Variants in GALNT16 observed in about 807,000 individuals in gnomAD.
GALNT16 encodes the protein UDP-GalNAc:polypeptide N-acetylgalactosaminyltransferase-like protein 1.
In GALNT16, 40 loss-of-function variants were observed where a neutral mutation model predicts 76.1. The ratio of observed to expected loss-of-function variants is 0.53; its 90% CI spans 0.41 to 0.68. The LOEUF is 0.68. Ranked by LOEUF, GALNT16 falls within the 30% of genes least tolerant of loss-of-function variation. GALNT16 has a pLI of 0.00. For synonymous variants in GALNT16, 276 were observed against 285.2 expected (o/e 0.97, Z 0.32); for missense variants, 621 against 731.9 (o/e 0.85, Z 1.75).
intron 3 of GALNT16, 93 bp from the exon 4 acceptor site, chr14:69,325,244 G>A (rs45543531): frequency 1.3e-4 from 104 of 802,206 alleles, no homozygotes; most frequent in Non-Finnish European, 1.9e-4. Context: ...CCCTGGAGCT[G>A]GGCGGCTGGG....
Position 69,328,579 on chromosome 14 carries a change from ACT to A in GALNT16, c.690+9_690+10del. 1 of 1,611,382 alleles carries A rather than the reference ACT, an allele frequency of 6.2e-7. No homozygotes were observed. The highest frequency in any genetic ancestry group is 8.5e-7 in the Non-Finnish European group (1 of 1,179,242). ...CTGCAGCGGGTGAAGGAGGTGAGCC[ACT>A]GTCTCTGGGGAGCTGGGCGTCCTTG... On this transcript the variant is annotated intron_variant, in intron 6 of 14. Coordinates refer to ENST00000448469, the MANE Select transcript of GALNT16 (RefSeq NM_001168368.2).
At chr14:69,361,994 G>A (rs1189176358), downstream of GALNT16, among the ~76,000 whole-genome samples, 2 of 152,194 alleles carry the variant, frequency 1.3e-5, no homozygotes, top group Non-Finnish European at 2.9e-5. Context: ...GTGACAGAAT[G>A]AGACTCCATC....
intron 1 of GALNT16, among the ~76,000 whole-genome samples, chr14:69,309,281 T>C (rs955655369): frequency 6.6e-6 from 1 of 151,546 alleles, no homozygotes; most frequent in Non-Finnish European, 1.5e-5. Flanking sequence ...TCTTTCTTTC[T>C]TTCTTCCTTT....
chr14:69,307,498 C>T (rs985099905), intron 1 of GALNT16, among the ~76,000 whole-genome samples: 5 of 152,126 alleles, frequency 3.3e-5, no homozygotes, highest in South Asian at 4.1e-4. Flanking sequence ...TGCTGAACCC[C>T]CTCCTTTTAT....
intron 1 of GALNT16, among the ~76,000 whole-genome samples, chr14:69,284,739 A>G (rs1346542834): frequency 6.6e-6 from 1 of 152,090 alleles, no homozygotes; most frequent in Non-Finnish European, 1.5e-5. Context: ...CCCAAATCTC[A>G]TCTTGTAGTT....
chr14:69,367,656 A>G, the GALNT16 span, among the ~76,000 whole-genome samples: 12 of 151,618 alleles, frequency 7.9e-5, no homozygotes, highest in African/African-American at 2.7e-4. Context: ...AAAAAAAAAA[A>G]AAAGAAAAAG....
At chr14:69,323,616 T>G (rs1385412017) in intron 2 of GALNT16, among the ~76,000 whole-genome samples, 1 of 152,144 alleles carries the variant, frequency 6.6e-6, no homozygotes, top group African/African-American at 2.4e-5. Flanking sequence ...CATAGGCCCT[T>G]GAACAGCATG....
chr14:69,295,930 T>A (rs2044754294), intron 1 of GALNT16, among the ~76,000 whole-genome samples: 1 of 152,234 alleles, frequency 6.6e-6, no homozygotes, highest in Non-Finnish European at 1.5e-5. Context: ...ACCACCGTTT[T>A]GTTCATGGAC....
chr14:69,346,956 C>G, intron 12 of GALNT16, 84 bp from the exon 13 acceptor site: 1 of 1,553,774 alleles, frequency 6.4e-7, no homozygotes, highest in Non-Finnish European at 8.9e-7. Context: ...GCTCCCAGAG[C>G]TGATAGGATG....
At chr14:69,340,416 G>T (rs187454763) in intron 11 of GALNT16, among the ~76,000 whole-genome samples, 105 of 151,960 alleles carry the variant, frequency 6.9e-4, no homozygotes, top group African/African-American at 2.4e-3. Context: ...TACACATCAC[G>T]TCATTTGCAT....
the GALNT16 span, among the ~76,000 whole-genome samples, chr14:69,369,529 A>G: frequency 2.6e-5 from 4 of 152,190 alleles, no homozygotes; most frequent in African/African-American, 9.7e-5. Context: ...ACTGTGAACC[A>G]CTGGCATGTG....
rs766188989 is a variant in GALNT16, at chr14:69,322,925, GGTGTGTGTGT to G, written c.336-1719_336-1710del. ...AAAAGAAAGCTGAGGTGGCTCACGG[GGTGTGTGTGT>G]GTGTGTGTGTGTGTGTGTGTGTGTG... On this transcript the variant is annotated intron_variant, in intron 2 of 14. Transcript: ENST00000448469. Among the ~76,000 whole-genome samples the G allele has an allele frequency of 6.3e-3, 652 of 103,846 alleles. 7 individuals are homozygous for G. The highest frequency in any genetic ancestry group is 0.014 in the Middle Eastern group (3 of 220). The allele number at this position is 103,846 out of a possible 152,430, so 68.1% of individuals were successfully genotyped here.
rs564242077 is a variant in GALNT16, at chr14:69,322,465, G to A, written c.335+1597G>A. Among the ~76,000 whole-genome samples, 4 of 152,334 alleles carry A rather than the reference G, an allele frequency of 2.6e-5. No individual in the cohort carries two copies. In the South Asian group the frequency reaches 6.2e-4, roughly 24 times the overall value. ...CCCCCAGCTTACCTGACTCTGAACC[G>A]CCTCAGGTGCTCACTGAGAAACTTA... On this transcript the variant is annotated intron_variant, in intron 2 of 14. Coordinates refer to ENST00000448469, the MANE Select transcript of GALNT16 (RefSeq NM_001168368.2).
chr14:69,286,237 G>A (rs1594822163), intron 1 of GALNT16, among the ~76,000 whole-genome samples: 1 of 151,936 alleles, frequency 6.6e-6, no homozygotes, highest in Admixed American at 6.5e-5. Context: ...TGATATTACT[G>A]CTCTATTTCT....
chr14:69,315,155 C>T (rs182689276), intron 1 of GALNT16, among the ~76,000 whole-genome samples: 165 of 152,052 alleles, frequency 1.1e-3, no homozygotes, highest in Non-Finnish European at 2.1e-3. Flanking sequence ...ATAAGCAAAT[C>T]TAGCTGGAAA....
intron 1 of GALNT16, among the ~76,000 whole-genome samples, chr14:69,298,290 C>T (rs1259314437): frequency 6.6e-6 from 1 of 152,240 alleles, no homozygotes; most frequent in African/African-American, 2.4e-5. Flanking sequence ...GGATTCTGTT[C>T]TAGCTGTGTG....
At chr14:69,307,573 C>T (rs2044954616) in intron 1 of GALNT16, among the ~76,000 whole-genome samples, 1 of 152,140 alleles carries the variant, frequency 6.6e-6, no homozygotes, top group Non-Finnish European at 1.5e-5. Flanking sequence ...GTACCATTAC[C>T]TCCTTTCCGC....
rs1411878895 is a variant in GALNT16, at chr14:69,320,823, A to G, written c.290A>G (p.Asp97Gly). 2 of 1,614,188 alleles carry G rather than the reference A, an allele frequency of 1.2e-6. No homozygotes were observed. The highest frequency in any genetic ancestry group is 1.3e-5 in the African/African-American group (1 of 75,056). ...RQHAFNQLESDKLSPDRPIRD... is the reference protein window; with the variant it reads ...RQHAFNQLESGKLSPDRPIRD... Reference sequence around the variant, plus strand: ...CACGCCTTCAACCAGCTGGAGAGTGACAAGCTGAGCCCAGACCGGCCCATC... The same window carrying G: ...CACGCCTTCAACCAGCTGGAGAGTGGCAAGCTGAGCCCAGACCGGCCCATC... Residue 97 changes from aspartate to glycine, a missense_variant, in exon 2 of 15, where the codon GAC (aspartate) becomes GGC (glycine). By Grantham distance (94) the Asp-to-Gly change is moderately conservative. Coordinates refer to ENST00000448469, the MANE Select transcript of GALNT16 (RefSeq NM_001168368.2).
intron 9 of GALNT16, among the ~76,000 whole-genome samples, chr14:69,338,116 C>G (rs2045436012): frequency 6.6e-6 from 1 of 152,174 alleles, no homozygotes; most frequent in African/African-American, 2.4e-5. Context: ...CCACCGCTGT[C>G]AAAAGGAGGC....
Sources: gnomAD v4.1 joint callset for allele counts (sites outside exome capture counted in the v4.1 genomes callset) on GRCh38, gnomAD v4.1.1 for gene constraint, MANE v1.5 for transcripts, NCBI Gene and HGNC (gene_info 2026-07-23, HGNC 2026-07-21) for gene names.